Variants in EBF1 observed in about 807,000 individuals in gnomAD.
EBF1 encodes EBF transcription factor 1, also known as transcription factor COE1.
EBF1 carries 10 observed loss-of-function variants against 68.4 expected under a neutral mutation model. That is an observed-to-expected ratio of 0.15 (90% CI 0.09 to 0.25). The LOEUF (loss-of-function observed/expected upper bound fraction) is 0.25. Among genes scored for constraint, EBF1 ranks in the 10% least tolerant of loss-of-function variants. The pLI is 1.00. For synonymous variants in EBF1, 298 were observed against 299.8 expected, an observed-to-expected ratio of 0.99 and a Z score of 0.06; for missense variants, 509 against 794.4, an observed-to-expected ratio of 0.64 and a Z score of 4.32.
At chr5:159,097,747 G>C (rs1782906575) in intron 1 of EBF1, 1 of 233,362 alleles carries the variant, frequency 4.3e-6, no homozygotes, top group East Asian at 6.0e-5. Context: ...AGGGAAGAGG[G>C]GTGTTTTCTT....
chr5:158,846,215 C>T (rs1380878837), intron 6 of EBF1, among the ~76,000 whole-genome samples: 2 of 152,160 alleles, frequency 1.3e-5, no homozygotes, highest in African/African-American at 4.8e-5. Flanking sequence ...GGGTTCCCTT[C>T]TGTGTGAAGT....
chr5:159,012,469 G>A (rs1764863197), intron 6 of EBF1, among the ~76,000 whole-genome samples: 2 of 151,868 alleles, frequency 1.3e-5, no homozygotes, highest in East Asian at 1.9e-4. Context: ...GAATGTGACT[G>A]TATTTGGAGA....
intron 8 of EBF1, among the ~76,000 whole-genome samples, chr5:158,814,051 A>G (rs1017681344): frequency 1.3e-5 from 2 of 152,230 alleles, no homozygotes; most frequent in Non-Finnish European, 2.9e-5. Context: ...AAAAAAAATT[A>G]GGCTTAAAAA....
At chr5:159,054,807 G>A (rs1774450936) in intron 6 of EBF1, among the ~76,000 whole-genome samples, 1 of 152,164 alleles carries the variant, frequency 6.6e-6, no homozygotes, top group Non-Finnish European at 1.5e-5. Flanking sequence ...ACAACTTGAG[G>A]ATGTTGCACA....
At chr5:158,764,728 T>G (rs1011901490) in intron 10 of EBF1, among the ~76,000 whole-genome samples, 1 of 152,130 alleles carries the variant, frequency 6.6e-6, no homozygotes, top group African/African-American at 2.4e-5. Flanking sequence ...GTCTAACTAG[T>G]GAATTATGTT....
chr5:159,011,650 T>C (rs141078882), intron 6 of EBF1, among the ~76,000 whole-genome samples: 125 of 152,348 alleles, frequency 8.2e-4, no homozygotes, highest in African/African-American at 3.0e-3. Flanking sequence ...TGTTACCTCC[T>C]GCATCAAGAA....
chr5:158,851,939 C>G lies in EBF1; in HGVS notation c.555-11829G>C, dbSNP rs1386378010. On this transcript the variant is annotated intron_variant, in intron 6 of 15. Transcript: ENST00000313708. ...GGGGAAGGGAAGGGTAGGGGAGGGG[C>G]AGGGGAAGGGGAGGGGAAGGCAGGG... is the stretch of plus-strand genomic sequence containing the variant. 9.3e-3 allele frequency among the ~76,000 whole-genome samples: 3 copies of G among 322 alleles called. 1 individual carries two copies. Among genetic ancestry groups the G allele is most frequent in the Non-Finnish European group, 0.014 (2 of 144 alleles). The allele number at this position is 322 out of a possible 152,430, so 0.2% of individuals were successfully genotyped here.
chr5:158,750,798 A>G (rs1447726922), intron 10 of EBF1, among the ~76,000 whole-genome samples: 1 of 152,114 alleles, frequency 6.6e-6, no homozygotes, highest in Non-Finnish European at 1.5e-5. Flanking sequence ...TTAAAAAAAA[A>G]TCTTCATAAA....
At chr5:158,859,351 G>C (rs755814923) in intron 6 of EBF1, among the ~76,000 whole-genome samples, 1 of 152,128 alleles carries the variant, frequency 6.6e-6, no homozygotes, top group Admixed American at 6.5e-5. Context: ...TTCCAGGTCT[G>C]GTTAAGATTC....
intron 1 of EBF1, chr5:159,097,586 CG>C (rs1221820574): frequency 4.2e-6 from 1 of 238,958 alleles, no homozygotes; most frequent in African/African-American, 2.2e-5. Flanking sequence ...CTCGGCGTCT[CG>C]CCGCAGCAGC....
chr5:158,944,517 T>C (rs1317715476), intron 6 of EBF1, among the ~76,000 whole-genome samples: 2 of 152,242 alleles, frequency 1.3e-5, no homozygotes, highest in Admixed American at 6.5e-5. Context: ...TGAATAGTGC[T>C]TCAATAAACA....
At chr5:158,861,060 CT>C (rs1794883927) in intron 6 of EBF1, among the ~76,000 whole-genome samples, 1 of 152,176 alleles carries the variant, frequency 6.6e-6, no homozygotes, top group Non-Finnish European at 1.5e-5. Flanking sequence ...AATCTCCTCT[CT>C]TCTCATGCAC....
chr5:158,880,504 G>A lies in EBF1; in HGVS notation c.555-40394C>T, dbSNP rs575867513. ...ATTCCCACACTCCTCTGCCCAGCAC[G>A]GCACTAAACATATGTACATATTTGT... On this transcript the variant is annotated intron_variant, in intron 6 of 15. Coordinates refer to ENST00000313708, the MANE Select transcript of EBF1 (RefSeq NM_024007.5). Among the ~76,000 whole-genome samples the A allele has an allele frequency of 3.3e-5, 5 of 152,214 alleles. No homozygotes were observed. In the South Asian group the frequency reaches 8.3e-4, roughly 25 times the overall value.
At position 158,721,444 on chromosome 5, in the gene EBF1, T is replaced by C. The variant is rs1761919011; in HGVS notation, c.1126-7262A>G. Among the ~76,000 whole-genome samples the C allele has an allele frequency of 2.0e-5, 3 of 151,836 alleles. No homozygotes were observed. The South Asian group carries it at 6.2e-4, about 32-fold the overall frequency. The stretch of plus-strand genomic sequence containing the variant: ...AATGGAAAAAAAAAATCAATGAAAG[T>C]GAAATGAACAAGAGATTTTGTCTGA... On this transcript the variant is annotated intron_variant, in intron 11 of 15. Transcript: ENST00000313708.
At chr5:158,835,995 T>A (rs1004267134) in intron 7 of EBF1, among the ~76,000 whole-genome samples, 1 of 152,164 alleles carries the variant, frequency 6.6e-6, no homozygotes, top group African/African-American at 2.4e-5. Flanking sequence ...CATGGACACA[T>A]GCATTTATAC....
chr5:159,008,716 T>C (rs924241723), intron 6 of EBF1, among the ~76,000 whole-genome samples: 1 of 151,976 alleles, frequency 6.6e-6, no homozygotes, highest in African/African-American at 2.4e-5. Flanking sequence ...GTTGTATTTT[T>C]AGTAGAGACA....
chr5:158,778,568 T>A (rs1775778020), intron 9 of EBF1, among the ~76,000 whole-genome samples: 1 of 152,118 alleles, frequency 6.6e-6, no homozygotes, highest in Non-Finnish European at 1.5e-5. Flanking sequence ...GGCTCTTATA[T>A]CAATGTGCAA....
intron 10 of EBF1, among the ~76,000 whole-genome samples, chr5:158,738,327 A>G (rs1765627162): frequency 6.6e-6 from 1 of 152,272 alleles, no homozygotes; most frequent in African/African-American, 2.4e-5. Flanking sequence ...GGATAAAAGA[A>G]TATGCACATT....
intron 1 of EBF1, chr5:159,097,721 G>A (rs1782901600): frequency 4.3e-6 from 1 of 233,480 alleles, no homozygotes; most frequent in African/African-American, 2.2e-5. Flanking sequence ...ACTGTCGCGG[G>A]TGGTCGCTGT....
Sources: gnomAD v4.1 joint callset for allele counts (sites outside exome capture counted in the v4.1 genomes callset) on GRCh38, gnomAD v4.1.1 for gene constraint, MANE v1.5 for transcripts, NCBI Gene and HGNC (gene_info 2026-07-23, HGNC 2026-07-21) for gene names.